PLD5: variants seen among roughly 807,000 people sequenced by gnomAD.
PLD5 encodes the protein inactive phospholipase D5.
A neutral mutation model predicts 61.1 loss-of-function variants in PLD5; 36 were observed. The observed-to-expected ratio is 0.59, with a 90% CI of 0.45 to 0.78. The LOEUF (loss-of-function observed/expected upper bound fraction) is 0.78, where lower values mean the gene tolerates loss of function less well. PLD5 is among the 30% of genes least tolerant of loss of function. PLD5 has a pLI of 0.00. For missense variants in PLD5, 515 were observed against 644.4 expected (o/e 0.80, Z 2.17); for synonymous variants, 243 against 242.8 (o/e 1.00, Z -0.01).
At chr1:242,508,244 G>A (rs1448203277) in intron 1 of PLD5, among the ~76,000 whole-genome samples, 3 of 151,970 alleles carry the variant, frequency 2.0e-5, no homozygotes, top group Admixed American at 2.0e-4. Flanking sequence ...ATGGTGGTGG[G>A]CACCTGTAAT....
chr1:242,123,115 G>A (rs1019590896), intron 6 of PLD5, among the ~76,000 whole-genome samples: 1 of 152,168 alleles, frequency 6.6e-6, no homozygotes. Flanking sequence ...ATACTTCGTA[G>A]CCAATTCTTA....
rs148103852 is a variant in PLD5 at position 242,109,707 on chromosome 1, TA to T, written c.1071-1869del. Among the ~76,000 whole-genome samples the T allele has an allele frequency of 9.6e-3, 1,462 of 152,274 alleles. 29 individuals carry two copies. The highest frequency in any genetic ancestry group is 0.033 in the African/African-American group (1,391 of 41,540). On this transcript the variant is annotated intron_variant, in intron 7 of 9. Transcript: ENST00000536534. Reference sequence around the variant, plus strand: ...CACCCTTTTCTGACAAATTCCTCATTATTTTTTTTCAAGAAATTTTTGTGGG... The same window carrying T: ...CACCCTTTTCTGACAAATTCCTCATTTTTTTTTTCAAGAAATTTTTGTGGG...
intron 9 of PLD5, among the ~76,000 whole-genome samples, chr1:242,095,146 A>G (rs1027045633): frequency 6.6e-6 from 1 of 151,892 alleles, no homozygotes; most frequent in African/African-American, 2.4e-5. Flanking sequence ...CATTGTTACC[A>G]GGATGGTCTC....
chr1:242,297,451 G>A (rs1441872308), intron 2 of PLD5, among the ~76,000 whole-genome samples: 1 of 147,912 alleles, frequency 6.8e-6, no homozygotes. Flanking sequence ...CTGTCATCCA[G>A]GCTAGAGAAC....
chr1:242,373,099 A>G (rs1433293793), intron 1 of PLD5, among the ~76,000 whole-genome samples: 3 of 152,246 alleles, frequency 2.0e-5, no homozygotes, highest in Admixed American at 6.5e-5. Context: ...ATTTACAAGA[A>G]AAAAACAACA....
intron 4 of PLD5, among the ~76,000 whole-genome samples, chr1:242,257,032 C>CCTT (rs1673094354): frequency 7.1e-6 from 1 of 140,406 alleles, no homozygotes; most frequent in African/African-American, 2.7e-5. Flanking sequence ...TATCTACCTA[C>CCTT]CTACCTTCTA....
At chr1:242,359,468 C>T (rs559554922) in intron 1 of PLD5, among the ~76,000 whole-genome samples, 1 of 152,262 alleles carries the variant, frequency 6.6e-6, no homozygotes, top group South Asian at 2.1e-4. Flanking sequence ...CAGGCTTATT[C>T]CTACACTGTG....
At chr1:242,187,877 C>T (rs543857775) in intron 5 of PLD5, among the ~76,000 whole-genome samples, 22 of 152,180 alleles carry the variant, frequency 1.4e-4, no homozygotes, top group Non-Finnish European at 2.9e-4. Flanking sequence ...TGCTGGTGTA[C>T]GGGGCCACAA....
chr1:242,224,913 G>A (rs542748336), intron 4 of PLD5, among the ~76,000 whole-genome samples: 5 of 152,210 alleles, frequency 3.3e-5, no homozygotes, highest in South Asian at 2.1e-4. Context: ...GACCATCACC[G>A]CAATCAGAAT....
intron 1 of PLD5, among the ~76,000 whole-genome samples, chr1:242,483,369 C>T (rs113351748): frequency 0.018 from 2,754 of 151,994 alleles, 83 homozygotes; most frequent in African/African-American, 0.063. Context: ...GGAAGATCTA[C>T]GAAGCAAATG....
At chr1:242,347,997 G>C in intron 2 of PLD5, 109 bp downstream of exon 2, 1 of 1,378,560 alleles carries the variant, frequency 7.3e-7, no homozygotes, top group East Asian at 2.3e-5. Flanking sequence ...AAGCTAAGGG[G>C]AGCCTGGATG....
intron 1 of PLD5, among the ~76,000 whole-genome samples, chr1:242,497,893 C>T (rs182048464): frequency 4.1e-4 from 63 of 152,224 alleles, no homozygotes; most frequent in Admixed American, 2.8e-3. Context: ...AGATGGCAAA[C>T]GAATAAAGCA....
At chr1:242,501,174 A>G (rs1668543510) in intron 1 of PLD5, among the ~76,000 whole-genome samples, 1 of 152,114 alleles carries the variant, frequency 6.6e-6, no homozygotes, top group Non-Finnish European at 1.5e-5. Context: ...TTTCCCATTC[A>G]TTAAATAGGC....
intron 4 of PLD5, among the ~76,000 whole-genome samples, chr1:242,245,493 G>A (rs368962117): frequency 4.6e-5 from 7 of 152,336 alleles, no homozygotes; most frequent in Middle Eastern, 3.4e-3. Flanking sequence ...ATGCAGCGGC[G>A]TAGGCTCCTT....
At chr1:242,500,460 C>T (rs1027958708) in intron 1 of PLD5, among the ~76,000 whole-genome samples, 9 of 152,138 alleles carry the variant, frequency 5.9e-5, no homozygotes, top group Non-Finnish European at 7.4e-5. Context: ...TGCTAGGATA[C>T]GGAAAATAAT....
chr1:242,526,934 A>G (rs1669459867), upstream of PLD5, among the ~76,000 whole-genome samples: 1 of 152,176 alleles, frequency 6.6e-6, no homozygotes. Flanking sequence ...TATTTGATAT[A>G]GCCAAACCTT....
At chr1:242,142,740 CTCTCTGTCTCTA>C (rs1219828682) in intron 5 of PLD5, among the ~76,000 whole-genome samples, 3 of 150,798 alleles carry the variant, frequency 2.0e-5, no homozygotes, top group Non-Finnish European at 4.4e-5. Context: ...CTCTCTCTCT[CTCTCTGTCTCTA>C]TCTCTCTGTC....
At chr1:242,162,964 G>C (rs1452074659) in intron 5 of PLD5, among the ~76,000 whole-genome samples, 1 of 152,000 alleles carries the variant, frequency 6.6e-6, no homozygotes, top group East Asian at 1.9e-4. Flanking sequence ...CACAAAAATA[G>C]TAGGCAGAAA....
At chr1:242,390,921 G>C (rs114310605) in intron 1 of PLD5, among the ~76,000 whole-genome samples, 1 of 152,058 alleles carries the variant, frequency 6.6e-6, no homozygotes, top group Non-Finnish European at 1.5e-5. Flanking sequence ...GGCCAAGTGC[G>C]GTGGCTCACA....
Sources: allele counts gnomAD v4.1 joint callset (sites outside exome capture counted in the v4.1 genomes callset), GRCh38; gene constraint gnomAD v4.1.1; transcripts MANE v1.5; gene names NCBI Gene and HGNC (gene_info 2026-07-23, HGNC 2026-07-21).